The following COL17A1 variants were observed in gnomAD, a reference collection of about 807,000 sequenced individuals.
The protein encoded by COL17A1 is collagen alpha-1(XVII) chain.
COL17A1 carries 181 observed loss-of-function variants against 218.4 expected under a neutral mutation model. The observed-to-expected ratio is 0.83, with a 90% confidence interval of 0.73 to 0.94. The LOEUF is 0.94. Ranked by LOEUF, COL17A1 falls within the 40% of genes least tolerant of loss-of-function variation. COL17A1 has a pLI of 0.00. For synonymous variants in COL17A1, 721 were observed against 731.0 expected, an observed-to-expected ratio of 0.99 and a Z score of 0.22; for missense variants, 1,924 against 1,945.9, an observed-to-expected ratio of 0.99 and a Z score of 0.21.
Position 104,033,244 on chromosome 10 carries a change from A to G in COL17A1, c.4288T>C (p.Phe1430Leu), listed in dbSNP as rs776253352. 6.3e-7 allele frequency: 1 copy of G among 1,585,420 alleles called. No individual in the cohort carries two copies. Among genetic ancestry groups the G allele is most frequent in the African/African-American group, 1.3e-5 (1 of 74,848 alleles). ...AGCAGTTGGATGCCCTTACTTTGGA[A>G]GAAGTCCATGAGGTCCGCAGTCACG... ...SNVTADLMDFFQTYGAIQGPP... is the reference protein window; with the variant it reads ...SNVTADLMDFLQTYGAIQGPP... Residue 1430 changes from phenylalanine (F) to leucine (L), a missense_variant, in exon 53 of 56, where the codon TTC (phenylalanine) becomes CTC (leucine). Physicochemically the swap from Phe to Leu is conservative, Grantham distance 22. Coordinates refer to ENST00000648076, the MANE Select transcript of COL17A1 (RefSeq NM_000494.4).
chr10:104,057,089 G>A lies in COL17A1; in HGVS notation c.1351C>T (p.Pro451Ser). Reference sequence around the variant, plus strand: ...CCGCAGGGGCACCAGGCTGGCGCTGGTCCCCAAGGGCCGCCGCCAGCGCCA... The same window carrying A: ...CCGCAGGGGCACCAGGCTGGCGCTGATCCCCAAGGGCCGCCGCCAGCGCCA... ...VGGAGGGPWG[P>S]APAWCPCGSC... The change falls in exon 17 of 56, where the codon CCA becomes TCA. Residue 451 changes from proline (P) to serine (S), a missense_variant. Transcript: ENST00000648076. The A allele has an allele frequency of 6.2e-7, 1 of 1,612,384 alleles. No individual in the cohort carries two copies. The highest frequency in any genetic ancestry group is 8.5e-7 in the Non-Finnish European group (1 of 1,179,260).
chr10:104,034,539 T>C, intron 51 of COL17A1, 82 bp downstream of exon 51: 3 of 1,555,820 alleles, frequency 1.9e-6, no homozygotes, highest in South Asian at 2.4e-5. Flanking sequence ...TTCCTGTCCC[T>C]TTAAGTGCCT....
chr10:104,034,789 A>G (rs766388261), intron 50 of COL17A1, 22 bp from the exon 51 acceptor site: 7 of 1,609,656 alleles, frequency 4.3e-6, no homozygotes, highest in Non-Finnish European at 5.9e-6. Context: ...GAAGAGAAAG[A>G]AAGGTCGGGG....
At chr10:104,084,962 A>G (rs2134670861) in intron 1 of COL17A1, among the ~76,000 whole-genome samples, 1 of 152,366 alleles carries the variant, frequency 6.6e-6, no homozygotes, top group South Asian at 2.1e-4. Context: ...AAGTAAAGTG[A>G]TAATTTGTCA....
At position 104,048,154 on chromosome 10, in the gene COL17A1, C is replaced by T. The variant is rs189063749; in HGVS notation, c.2228-50G>A. ...TCAGTTGCTCCTGGAGTGATTTCTG[C>T]GATTCCTCCCTCTACTGTCCCAGTG... On this transcript the variant is annotated intron_variant, in intron 29 of 55. Coordinates refer to ENST00000648076, the MANE Select transcript of COL17A1 (RefSeq NM_000494.4). 228 of 1,596,982 alleles carry T rather than the reference C, an allele frequency of 1.4e-4. 1 individual carries two copies. The African/African-American group carries it at 2.4e-3, about 17-fold the overall frequency.
Position 104,031,913 on chromosome 10 carries a change from G to GTAAC in COL17A1, c.*318_*321dup, listed in dbSNP as rs1844688933. The GTAAC allele has an allele frequency of 4.7e-6, 2 of 428,702 alleles. No homozygotes were observed. Among genetic ancestry groups the GTAAC allele is most frequent in the Non-Finnish European group, 8.6e-6 (2 of 232,582 alleles). 26.6% of individuals were successfully genotyped at this position (428,702 alleles called of 1,614,324 possible). A position where few individuals can be genotyped will look rare whatever the true frequency, so the allele number is the denominator to read the frequency against. On this transcript the variant is annotated 3_prime_UTR_variant, in exon 56 of 56. Coordinates refer to ENST00000648076, the MANE Select transcript of COL17A1 (RefSeq NM_000494.4). Reference sequence around the variant, plus strand: ...CTAAGACTCCTGAGCCAACTTTTATGTAACTGGCTTTCCTAGGCTGGGGCT... The same window carrying GTAAC: ...CTAAGACTCCTGAGCCAACTTTTATGTAACTAACTGGCTTTCCTAGGCTGGGGCT...
At chr10:104,082,952 C>A (rs770039081) in intron 1 of COL17A1, among the ~76,000 whole-genome samples, 1 of 152,188 alleles carries the variant, frequency 6.6e-6, no homozygotes, top group African/African-American at 2.4e-5. Flanking sequence ...TTGGAAGGTA[C>A]TTTGTGGATA....
chr10:104,040,109 C>G (rs560781888), intron 40 of COL17A1, 110 bp from the exon 41 acceptor site: 1 of 1,301,468 alleles, frequency 7.7e-7, no homozygotes, highest in East Asian at 2.3e-5. Flanking sequence ...AGATATAGAA[C>G]TTGGGGTTCC....
intron 15 of COL17A1, chr10:104,059,389 A>G (rs1646330438): frequency 3.5e-6 from 2 of 565,910 alleles, no homozygotes; most frequent in Admixed American, 6.1e-5. Context: ...ATGCCTTCGT[A>G]GACATGGCAG....
rs755660814 is a variant in COL17A1 at position 104,076,373 on chromosome 10, C to G, written c.259G>C (p.Ala87Pro). 1 of 1,614,184 alleles carries G rather than the reference C, an allele frequency of 6.2e-7. No individual in the cohort carries two copies. The highest frequency in any genetic ancestry group is 1.7e-5 in the Admixed American group (1 of 60,024). Residue 87 changes from alanine to proline, a missense_variant, in exon 5 of 56, where the codon GCC becomes CCC. Physicochemically the swap from Ala to Pro is conservative, Grantham distance 27. Coordinates refer to ENST00000648076, the MANE Select transcript of COL17A1 (RefSeq NM_000494.4). The stretch of plus-strand genomic sequence containing the variant: ...CCTGGGGAGTTGGGCAGAGTGGAGG[C>G]AGGTGAGTGAGCCCTCCTGTAACTA... The part of the protein sequence containing the change: ...TSSYRRAHSP[A>P]STLPNSPGST...
intron 53 of COL17A1, 42 bp from the exon 54 acceptor site, chr10:104,033,010 C>G: frequency 6.2e-7 from 1 of 1,602,628 alleles, no homozygotes. Flanking sequence ...TCTTGATCAC[C>G]TGGAAGCTTG....
chr10:104,043,577 C>A lies in COL17A1; in HGVS notation c.2439G>T (p.Gly813=). ...GAPGKIVTSE[G]SSMLTVPGPP... is the part of the protein sequence containing the mutation. ...GGCCTGGGACAGTGAGCATCGATGA[C>A]CCCTCTGAAAACAGAAGGCACATGG... The change falls in exon 35 of 56, where the codon GGG becomes GGT. Residue 813 remains glycine, a synonymous_variant. Coordinates refer to ENST00000648076, the MANE Select transcript of COL17A1 (RefSeq NM_000494.4). 6.2e-7 allele frequency: 1 copy of A among 1,613,966 alleles called. No homozygotes were observed. The highest frequency in any genetic ancestry group is 8.5e-7 in the Non-Finnish European group (1 of 1,179,996).
Position 104,052,235 on chromosome 10 carries a change from G to C in COL17A1, c.1940-18C>G. On this transcript the variant is annotated intron_variant, in intron 23 of 55. Transcript: ENST00000648076. The stretch of plus-strand genomic sequence containing the variant: ...AGCAGCCCCTGAGGAGAAATGGAGG[G>C]ATGAGCACTTTGGGAGAGGCCCCAG... 6.2e-7 allele frequency: 1 copy of C among 1,614,110 alleles called. No homozygotes were observed. The highest frequency in any genetic ancestry group is 8.5e-7 in the Non-Finnish European group (1 of 1,179,994).
intron 9 of COL17A1, among the ~76,000 whole-genome samples, chr10:104,065,871 C>A (rs148148581): frequency 5.7e-4 from 87 of 152,336 alleles, no homozygotes; most frequent in African/African-American, 2.0e-3. Context: ...CACCTTGTTG[C>A]CTTTTCTCCT....
chr10:104,042,467 G>A lies in COL17A1; in HGVS notation c.2516-12C>T. On this transcript the variant is annotated splice_polypyrimidine_tract_variant and intron_variant, in intron 35 of 55. Transcript: ENST00000648076. ...TGGGCCGGCAGGGCCTGGAAACGGG[G>A]TTGAGGAAGAAAAGGCTAAATCATG... 6.2e-7 allele frequency: 1 copy of A among 1,614,140 alleles called. No individual in the cohort carries two copies. The highest frequency in any genetic ancestry group is 2.2e-5 in the East Asian group (1 of 44,888).
intron 48 of COL17A1, 99 bp downstream of exon 48, chr10:104,036,393 G>T (rs1252986622): frequency 3.9e-6 from 6 of 1,524,078 alleles, no homozygotes; most frequent in Admixed American, 1.7e-5. Context: ...CAGTCTGGCA[G>T]GTGGGGGTCA....
At position 104,074,170 on chromosome 10, in the gene COL17A1, A is replaced by C; in HGVS notation, c.379+14T>G. The stretch of plus-strand genomic sequence containing the variant: ...CGTTTGACCATTTCTTTAGAAAATA[A>C]GGAGAGGACATACCAAATTCCTTCC... On this transcript the variant is annotated intron_variant, in intron 6 of 55. Coordinates refer to ENST00000648076, the MANE Select transcript of COL17A1 (RefSeq NM_000494.4). 1 of 1,614,196 alleles carries C rather than the reference A, an allele frequency of 6.2e-7. No homozygotes were observed. Among genetic ancestry groups the C allele is most frequent in the Non-Finnish European group, 8.5e-7 (1 of 1,180,006 alleles).
intron 33 of COL17A1, among the ~76,000 whole-genome samples, chr10:104,044,065 A>G (rs557705761): frequency 3.3e-5 from 5 of 152,254 alleles, no homozygotes; most frequent in Non-Finnish European, 7.3e-5. Flanking sequence ...AGGCCAGAGC[A>G]TCCGTCTTCA....
chr10:104,034,314 T>C lies in COL17A1; in HGVS notation c.3787A>G (p.Ile1263Val), dbSNP rs986793152. 2 of 1,564,978 alleles carry C rather than the reference T, an allele frequency of 1.3e-6. No individual in the cohort carries two copies. Among genetic ancestry groups the C allele is most frequent in the East Asian group, 2.3e-5 (1 of 42,562 alleles). ...CCAGGAGGGCCTGGGGGGCCAACAA[T>C]GAAGCTGCGCACATCAGGACCTGCA... ...YLTSPDVRSF[I>V]VGPPGPPGPQ... Residue 1263 changes from isoleucine (I) to valine (V), a missense_variant, in exon 52 of 56, where the codon ATT (isoleucine) becomes GTT (valine). Transcript: ENST00000648076.
Sources: gnomAD v4.1 joint callset for allele counts (sites outside exome capture counted in the v4.1 genomes callset) on GRCh38, gnomAD v4.1.1 for gene constraint, MANE v1.5 for transcripts, NCBI Gene and HGNC (gene_info 2026-07-23, HGNC 2026-07-21) for gene names.